FKBP15: variants seen among roughly 807,000 people sequenced by gnomAD.
FKBP15 encodes the protein FK506-binding protein 15.
In FKBP15, 106 loss-of-function variants were observed where a neutral mutation model predicts 158.1. The ratio of observed to expected loss-of-function variants is 0.67; its 90% CI spans 0.57 to 0.79. The LOEUF is 0.79. Ranked by LOEUF, FKBP15 falls within the 30% of genes least tolerant of loss-of-function variation. The pLI is 0.00. For synonymous variants in FKBP15, 547 were observed against 548.6 expected, an observed-to-expected ratio of 1.00 and a Z score of 0.04; for missense variants, 1,287 against 1,479.1, an observed-to-expected ratio of 0.87 and a Z score of 2.13.
In FKBP15 at chr9:113,198,024, C is replaced by A. The variant is rs1830720533; in HGVS notation, c.717+831G>T. Among the ~76,000 whole-genome samples, 1 of 152,236 alleles carries A rather than the reference C, an allele frequency of 6.6e-6. No individual in the cohort carries two copies. Among genetic ancestry groups the A allele is most frequent in the Admixed American group, 6.5e-5 (1 of 15,284 alleles). ...ATGCACCATCACTACTATGTCCTGACACCATAATATACCACATGTGTAAAA... is the reference window on the plus strand; with the variant it reads ...ATGCACCATCACTACTATGTCCTGAAACCATAATATACCACATGTGTAAAA... On this transcript the variant is annotated intron_variant, in intron 8 of 27. Coordinates refer to ENST00000238256, the MANE Select transcript of FKBP15 (RefSeq NM_015258.2). This position sits in a 1 kb window ranked among gnomAD's most constrained non-coding sequence, Gnocchi z 5.2.
intron 1 of FKBP15, among the ~76,000 whole-genome samples, chr9:113,220,785 GA>G (rs1831234592): frequency 1.3e-5 from 2 of 152,242 alleles, no homozygotes; most frequent in African/African-American, 4.8e-5. Context: ...GGGCCTTGAA[GA>G]ATGCTAGAGC....
intron 4 of FKBP15, 43 bp downstream of exon 4, chr9:113,206,466 T>G: frequency 6.6e-7 from 1 of 1,519,158 alleles, no homozygotes; most frequent in Non-Finnish European, 9.1e-7. Context: ...ATTGGTATTA[T>G]TTGGGACATC....
rs374402017 is a variant in FKBP15 at position 113,161,718 on chromosome 9, G to T, written c.*4360C>A. On this transcript the variant is annotated 3_prime_UTR_variant, in exon 28 of 28. Transcript: ENST00000238256. ...CCACAGGTACAGGCAGTGGGTATGGGAAAGGGGCAGAAGCCTCACATTCAC... is the reference window on the plus strand; with the variant it reads ...CCACAGGTACAGGCAGTGGGTATGGTAAAGGGGCAGAAGCCTCACATTCAC... The T allele has an allele frequency of 6.2e-7, 1 of 1,611,906 alleles. No homozygotes were observed. The highest frequency in any genetic ancestry group is 1.7e-5 in the Admixed American group (1 of 60,020).
intron 9 of FKBP15, among the ~76,000 whole-genome samples, chr9:113,196,351 C>T (rs1378071112): frequency 2.1e-5 from 3 of 144,564 alleles, no homozygotes; most frequent in Non-Finnish European, 4.5e-5. Flanking sequence ...ATTTTATAGA[C>T]AAAATAAAAA....
rs940154281 is a variant in FKBP15, at chr9:113,190,497, G to C, written c.1147C>G (p.Leu383Val). Residue 383 changes from leucine (L) to valine (V), a missense_variant, in exon 12 of 28, where the codon CTG becomes GTG. By Grantham distance (32) the Leu-to-Val change is conservative. Transcript: ENST00000238256. Reference sequence around the variant, plus strand: ...TCGATTTCTGAATCATTGGAATCCAGCTGTGGTGGAAGGATGGGCAGCATG... The same window carrying C: ...TCGATTTCTGAATCATTGGAATCCACCTGTGGTGGAAGGATGGGCAGCATG... The part of the protein sequence containing the change: ...QPMLPILPPQ[L>V]DSNDSEIEDV... 1.2e-6 allele frequency: 2 copies of C among 1,611,800 alleles called. No individual in the cohort carries two copies. The highest frequency in any genetic ancestry group is 1.7e-6 in the Non-Finnish European group (2 of 1,178,936).
At chr9:113,201,792 G>A (rs7030027) in intron 6 of FKBP15, among the ~76,000 whole-genome samples, 34,796 of 152,066 alleles carry the variant, frequency 0.23, 4,715 homozygotes, top group African/African-American at 0.36. Flanking sequence ...TGCATATTAT[G>A]CAGCCTTCAA....
At position 113,162,885 on chromosome 9, in the gene FKBP15, T is replaced by G. The variant is rs777566073; in HGVS notation, c.*3193A>C. ...GGTCTTGGGCTCTGCTGTGGGCTAC[T>G]ACCTAGCTTACCCACTTCTCAGCAC... On this transcript the variant is annotated 3_prime_UTR_variant, in exon 28 of 28. Coordinates refer to ENST00000238256, the MANE Select transcript of FKBP15 (RefSeq NM_015258.2). The G allele has an allele frequency of 1.4e-5, 23 of 1,612,468 alleles. No homozygotes were observed. Among genetic ancestry groups the G allele is most frequent in the Non-Finnish European group, 2.5e-6 (3 of 1,179,554 alleles).
chr9:113,196,575 G>T (rs7865937), intron 9 of FKBP15, among the ~76,000 whole-genome samples: 1 of 151,816 alleles, frequency 6.6e-6, no homozygotes, highest in South Asian at 2.1e-4. Flanking sequence ...AGTAGAGATG[G>T]GGTTTCACCA....
chr9:113,166,007 C>A lies in FKBP15; in HGVS notation c.*71G>T, dbSNP rs878906491. 2.0e-6 allele frequency: 3 copies of A among 1,464,988 alleles called. No individual in the cohort carries two copies. Among genetic ancestry groups the A allele is most frequent in the African/African-American group, 2.8e-5 (2 of 71,762 alleles). The allele number at this position is 1,464,988 out of a possible 1,614,324, so 90.7% of individuals were successfully genotyped here. A position where few individuals can be genotyped will look rare whatever the true frequency, so the allele number is the denominator to read the frequency against. Reference sequence around the variant, plus strand: ...CCTCACCCTGTGGTTCGCCTAGACCCAGGGTTGGCTGTGCAAAATCATGCT... The same window carrying A: ...CCTCACCCTGTGGTTCGCCTAGACCAAGGGTTGGCTGTGCAAAATCATGCT... On this transcript the variant is annotated 3_prime_UTR_variant, in exon 28 of 28. Transcript: ENST00000238256.
chr9:113,196,822 T>C, intron 9 of FKBP15, 110 bp downstream of exon 9: 1 of 1,334,666 alleles, frequency 7.5e-7, no homozygotes, highest in African/African-American at 1.5e-5. Flanking sequence ...AAGAAATCTA[T>C]GCCTTCAGAA....
intron 12 of FKBP15, 43 bp downstream of exon 12, chr9:113,190,428 C>T (rs112547187): frequency 1.9e-5 from 27 of 1,424,704 alleles, no homozygotes; most frequent in African/African-American, 1.3e-4. Context: ...AAGATGATGG[C>T]GACATCTGTA....
At position 113,174,436 on chromosome 9, in the gene FKBP15, C is replaced by T. The variant is rs1830267103; in HGVS notation, c.2371G>A (p.Ala791Thr). The T allele has an allele frequency of 6.2e-7, 1 of 1,613,690 alleles. No homozygotes were observed. Among genetic ancestry groups the T allele is most frequent in the South Asian group, 1.1e-5 (1 of 91,028 alleles). The part of the protein sequence containing the change: ...KTRVSTDQAA[A>T]EQLSLVQAEL... ...CTTCAGTTTCCCATTACCTGCTCTG[C>T]AGCTGCTTGGTCTGTGGACACTCGA... is the stretch of plus-strand genomic sequence containing the variant. The change falls in exon 22 of 28, where the codon GCA (alanine) becomes ACA (threonine). Residue 791 changes from alanine to threonine, a missense_variant. Transcript: ENST00000238256.
chr9:113,218,860 G>A (rs989242543), intron 1 of FKBP15, among the ~76,000 whole-genome samples: 22 of 152,244 alleles, frequency 1.4e-4, no homozygotes, highest in African/African-American at 5.3e-4. Context: ...GCTTTCTGAT[G>A]ATCGGTTAAT....
Position 113,165,903 on chromosome 9 carries a change from G to A in FKBP15, c.*175C>T, listed in dbSNP as rs1434412319. ...GACAGGGTTATGATCCTCTTCACCA[G>A]GTCTGGCGGGGGTGGGGCTCAGAAG... On this transcript the variant is annotated 3_prime_UTR_variant, in exon 28 of 28. Coordinates refer to ENST00000238256, the MANE Select transcript of FKBP15 (RefSeq NM_015258.2). 3.6e-6 allele frequency: 2 copies of A among 562,886 alleles called. No individual in the cohort carries two copies. The highest frequency in any genetic ancestry group is 5.9e-5 in the East Asian group (2 of 33,960). 34.9% of individuals were successfully genotyped at this position (562,886 alleles called of 1,614,324 possible). A position where few individuals can be genotyped will look rare whatever the true frequency, so the allele number is the denominator to read the frequency against.
At chr9:113,208,809 C>T (rs1413917315) in intron 2 of FKBP15, among the ~76,000 whole-genome samples, 1 of 151,960 alleles carries the variant, frequency 6.6e-6, no homozygotes, top group Non-Finnish European at 1.5e-5. Flanking sequence ...GAGTTTGAGA[C>T]CAGTCTGGCC....
At chr9:113,214,228 C>A (rs1032574108) in intron 1 of FKBP15, among the ~76,000 whole-genome samples, 2 of 152,224 alleles carry the variant, frequency 1.3e-5, no homozygotes, top group Admixed American at 1.3e-4. Context: ...CTCCTGGGCT[C>A]AAGTGATCCA....
chr9:113,203,460 C>T (rs1587971125), intron 4 of FKBP15, among the ~76,000 whole-genome samples: 1 of 152,252 alleles, frequency 6.6e-6, no homozygotes, highest in East Asian at 1.9e-4. Context: ...CTCCCTCATG[C>T]CCTTCCTAGT....
At chr9:113,204,357 C>T (rs934945051) in intron 4 of FKBP15, among the ~76,000 whole-genome samples, 5 of 152,240 alleles carry the variant, frequency 3.3e-5, no homozygotes, top group Admixed American at 6.5e-5. Context: ...CGTAAGCCAC[C>T]GCGCCCAGCC....
At position 113,187,918 on chromosome 9, in the gene FKBP15, T is replaced by C; in HGVS notation, c.1277-19A>G. 6.3e-7 allele frequency: 1 copy of C among 1,576,890 alleles called. No individual in the cohort carries two copies. The highest frequency in any genetic ancestry group is 8.7e-7 in the Non-Finnish European group (1 of 1,147,416). On this transcript the variant is annotated intron_variant, in intron 13 of 27. Coordinates refer to ENST00000238256, the MANE Select transcript of FKBP15 (RefSeq NM_015258.2). Reference sequence around the variant, plus strand: ...TGAGGTGCTAAGATAAAGGGAGACATTTTCACTGTTATCCACCCTTGCTTC... The same window carrying C: ...TGAGGTGCTAAGATAAAGGGAGACACTTTCACTGTTATCCACCCTTGCTTC...
Sources: allele counts gnomAD v4.1 joint callset (sites outside exome capture counted in the v4.1 genomes callset), GRCh38; gene constraint gnomAD v4.1.1; non-coding constraint Gnocchi (gnomAD v3.1); transcripts MANE v1.5; gene names NCBI Gene and HGNC (gene_info 2026-07-23, HGNC 2026-07-21).